The following SLC9B1 variants were observed in gnomAD, a reference collection of about 807,000 sequenced individuals.
The protein encoded by SLC9B1 is sodium/hydrogen exchanger 9B1.
In SLC9B1, 32 loss-of-function variants were observed where a neutral mutation model predicts 51.7. That is an observed-to-expected ratio of 0.62 (90% CI 0.47 to 0.83). SLC9B1 has a LOEUF of 0.83. SLC9B1 is among the 40% of genes least tolerant of loss of function. The pLI is 0.00. For synonymous variants in SLC9B1, 145 were observed against 212.7 expected (o/e 0.68, Z 2.77); for missense variants, 406 against 613.2 (o/e 0.66, Z 3.57).
At chr4:102,926,813 C>T (rs1388893887) in intron 7 of SLC9B1, among the ~76,000 whole-genome samples, 1 of 152,126 alleles carries the variant, frequency 6.6e-6, no homozygotes, top group African/African-American at 2.4e-5. Context: ...GCAAAAAGAA[C>T]AAAGCTGGAG....
chr4:102,921,974 A>G (rs1019345132), intron 7 of SLC9B1, among the ~76,000 whole-genome samples: 3 of 152,148 alleles, frequency 2.0e-5, no homozygotes, highest in African/African-American at 7.2e-5. Context: ...AGAATTTCAC[A>G]CCCCACTGTC....
At chr4:102,935,436 G>C (rs1237787929) in intron 6 of SLC9B1, among the ~76,000 whole-genome samples, 1 of 152,158 alleles carries the variant, frequency 6.6e-6, no homozygotes, top group Admixed American at 6.5e-5. Context: ...GATTTTGGCA[G>C]TGTATATCAA....
At chr4:102,891,195 T>A (rs1427990175) in intron 11 of SLC9B1, 2 of 151,946 alleles carry the variant, frequency 1.3e-5, no homozygotes, top group African/African-American at 4.9e-5. Flanking sequence ...GTCTTCTTTT[T>A]AAAAAATTTT....
Position 102,922,367 on chromosome 4 carries a change from A to G in SLC9B1, c.829+9757T>C, listed in dbSNP as rs536891560. On this transcript the variant is annotated intron_variant, in intron 7 of 11. Transcript: ENST00000296422. ...AAGATGTTCTTTGAAACCAATGAGAACAAAGGCACAATGTACCAGAATCTC... is the reference window on the plus strand; with the variant it reads ...AAGATGTTCTTTGAAACCAATGAGAGCAAAGGCACAATGTACCAGAATCTC... Among the ~76,000 whole-genome samples, 95 of 152,368 alleles carry G rather than the reference A, an allele frequency of 6.2e-4. 1 individual carries two copies. The highest frequency in any genetic ancestry group is 2.2e-3 in the African/African-American group (92 of 41,584).
At chr4:102,932,736 A>G (rs2110459650) in intron 6 of SLC9B1, among the ~76,000 whole-genome samples, 1 of 152,360 alleles carries the variant, frequency 6.6e-6, no homozygotes, top group Non-Finnish European at 1.5e-5. Context: ...ATGTGCTTCT[A>G]AAAGTGCTCC....
intron 7 of SLC9B1, among the ~76,000 whole-genome samples, chr4:102,922,940 C>G (rs1297524015): frequency 6.6e-6 from 1 of 152,012 alleles, no homozygotes; most frequent in African/African-American, 2.4e-5. Flanking sequence ...AAAAAAAGTC[C>G]AGGACCAGAT....
chr4:103,000,759 G>A (rs973687073), intron 1 of SLC9B1, among the ~76,000 whole-genome samples: 6 of 152,222 alleles, frequency 3.9e-5, no homozygotes, highest in African/African-American at 4.8e-5. Context: ...TCCATGCCTG[G>A]CTGCTTTCAC....
intron 7 of SLC9B1, among the ~76,000 whole-genome samples, chr4:102,924,997 C>T (rs200208889): frequency 3.3e-5 from 5 of 152,084 alleles, no homozygotes; most frequent in East Asian, 1.9e-4. Flanking sequence ...GACAGTGTGG[C>T]GATTCCTCAA....
chr4:102,951,960 C>CTTTTTT lies in SLC9B1; in HGVS notation c.212-2539_212-2534dup, dbSNP rs765709645. On this transcript the variant is annotated intron_variant, in intron 3 of 11. Coordinates refer to ENST00000296422, the MANE Select transcript of SLC9B1 (RefSeq NM_139173.4). ...AGACTACCAAAGGCAAAAATAAAAT[C>CTTTTTT]TTTTTTTTTTTTTTTTTTTTATTAT... is the stretch of plus-strand genomic sequence containing the variant. 4.6e-4 allele frequency among the ~76,000 whole-genome samples: 3 copies of CTTTTTT among 6,554 alleles called. 1 individual carries two copies. Among genetic ancestry groups the CTTTTTT allele is most frequent in the African/African-American group, 9.3e-4 (2 of 2,160 alleles). The allele number at this position is 6,554 out of a possible 152,430, so 4.3% of individuals were successfully genotyped here.
At chr4:102,981,555 T>A (rs867324045) in intron 3 of SLC9B1, among the ~76,000 whole-genome samples, 2 of 152,214 alleles carry the variant, frequency 1.3e-5, no homozygotes, top group African/African-American at 4.8e-5. Flanking sequence ...TCCTAATAGG[T>A]GTGTAGTGGT....
intron 3 of SLC9B1, among the ~76,000 whole-genome samples, chr4:102,949,803 A>G (rs1737452628): frequency 6.6e-6 from 1 of 152,076 alleles, no homozygotes; most frequent in Non-Finnish European, 1.5e-5. Context: ...TCTACTAAAA[A>G]TACAAAAATT....
chr4:102,894,441 G>C (rs1418195979), intron 11 of SLC9B1, among the ~76,000 whole-genome samples: 2 of 152,050 alleles, frequency 1.3e-5, no homozygotes, highest in Non-Finnish European at 1.5e-5. Flanking sequence ...AAATCATAGA[G>C]ATTAGGAAAA....
At chr4:103,008,027 T>C (rs113604461) in intron 1 of SLC9B1, among the ~76,000 whole-genome samples, 282 of 152,342 alleles carry the variant, frequency 1.9e-3, no homozygotes, top group African/African-American at 6.6e-3. Context: ...TACTGGTTTA[T>C]ATTCCAGTGT....
intron 7 of SLC9B1, among the ~76,000 whole-genome samples, chr4:102,928,798 A>T (rs1736311356): frequency 1.3e-5 from 2 of 152,134 alleles, no homozygotes; most frequent in Admixed American, 6.6e-5. Flanking sequence ...AAGTAGGGAA[A>T]CTGACAGGCC....
At chr4:102,907,665 C>T (rs1314251069) in intron 9 of SLC9B1, among the ~76,000 whole-genome samples, 4 of 152,172 alleles carry the variant, frequency 2.6e-5, no homozygotes, top group Non-Finnish European at 5.9e-5. Context: ...ATTTCAGTCT[C>T]AGTCTGGGTT....
At chr4:102,956,700 C>A (rs1288293425) in intron 3 of SLC9B1, among the ~76,000 whole-genome samples, 4 of 152,132 alleles carry the variant, frequency 2.6e-5, no homozygotes, top group Non-Finnish European at 5.9e-5. Flanking sequence ...ATGTATAGGC[C>A]AATTACCAAA....
intron 3 of SLC9B1, among the ~76,000 whole-genome samples, chr4:102,977,581 C>T (rs1194650056): frequency 6.6e-6 from 1 of 152,162 alleles, no homozygotes; most frequent in East Asian, 1.9e-4. Flanking sequence ...AGCACCTAAA[C>T]ACCAATGTTG....
intron 7 of SLC9B1, among the ~76,000 whole-genome samples, chr4:102,931,914 A>G (rs2066662749): frequency 6.6e-6 from 1 of 152,262 alleles, no homozygotes; most frequent in Admixed American, 6.5e-5. Context: ...TCACATGATT[A>G]TTAAAATGAG....
chr4:102,948,330 A>ACACACACG, intron 4 of SLC9B1, among the ~76,000 whole-genome samples: 1 of 144,666 alleles, frequency 6.9e-6, no homozygotes, highest in Middle Eastern at 3.3e-3. Context: ...AGCCATACAC[A>ACACACACG]CACACACACA....
Sources: gnomAD v4.1 joint callset for allele counts (sites outside exome capture counted in the v4.1 genomes callset) on GRCh38, gnomAD v4.1.1 for gene constraint, MANE v1.5 for transcripts, NCBI Gene and HGNC (gene_info 2026-07-23, HGNC 2026-07-21) for gene names.